The following LRRC75A variants were observed in gnomAD, a reference collection of about 807,000 sequenced individuals.
LRRC75A encodes leucine-rich repeat-containing protein 75A.
LRRC75A carries 12 observed loss-of-function variants against 26.0 expected under a neutral mutation model. The observed-to-expected ratio is 0.46, with a 90% confidence interval of 0.30 to 0.75. The LOEUF is 0.75. Ranked by LOEUF, LRRC75A falls within the 30% of genes least tolerant of loss-of-function variation. The probability of loss-of-function intolerance (pLI) is 0.08; values close to 1 mark genes in which losing one functional copy is unlikely to be tolerated. For synonymous variants in LRRC75A, 223 were observed against 219.3 expected (o/e 1.02, Z -0.15); for missense variants, 410 against 486.6 (o/e 0.84, Z 1.48).
intron 1 of LRRC75A, among the ~76,000 whole-genome samples, chr17:16,489,060 T>C (rs1373279475): frequency 6.6e-6 from 1 of 152,132 alleles, no homozygotes; most frequent in Non-Finnish European, 1.5e-5. Context: ...CCCTCCGAAA[T>C]TGCCTGTGAG....
rs757872160 is a variant in LRRC75A, at chr17:16,443,690, G to T, written c.933C>A (p.Val311=). 11 of 1,607,644 alleles carry T rather than the reference G, an allele frequency of 6.8e-6. No individual in the cohort carries two copies. The highest frequency in any genetic ancestry group is 3.4e-6 in the Non-Finnish European group (4 of 1,177,056). The change falls in exon 4 of 4, where the codon GTC becomes GTA. Residue 311 remains valine, a synonymous_variant. Coordinates refer to ENST00000470794, the MANE Select transcript of LRRC75A (RefSeq NM_001113567.3). ...LGEGPGSGEE[V]REGTVGQEDP... is the part of the protein sequence containing the mutation. ...CCTCCTGGCCTACTGTCCCTTCCCG[G>T]ACCTCCTCCCCACTGCCTGGGCCCT...
intron 1 of LRRC75A, among the ~76,000 whole-genome samples, chr17:16,479,508 G>A (rs2093828690): frequency 6.6e-6 from 1 of 152,210 alleles, no homozygotes; most frequent in Non-Finnish European, 1.5e-5. Flanking sequence ...CCTTGACTCT[G>A]GCTGTGCCCA....
chr17:16,472,614 G>C (rs2093810106), intron 1 of LRRC75A, among the ~76,000 whole-genome samples: 1 of 152,140 alleles, frequency 6.6e-6, no homozygotes, highest in African/African-American at 2.4e-5. Flanking sequence ...AATGCGCTGG[G>C]GCATACGGAA....
At chr17:16,469,359 CT>C (rs2093793173) in intron 1 of LRRC75A, among the ~76,000 whole-genome samples, 1 of 152,132 alleles carries the variant, frequency 6.6e-6, no homozygotes, top group Non-Finnish European at 1.5e-5. Flanking sequence ...GCCTTTTGTT[CT>C]TTTCCCACAA....
At chr17:16,483,752 G>A (rs1254196122) in intron 1 of LRRC75A, among the ~76,000 whole-genome samples, 1 of 152,158 alleles carries the variant, frequency 6.6e-6, no homozygotes, top group African/African-American at 2.4e-5. Context: ...TCTGTGCCAC[G>A]CTGCGCACCT....
intron 2 of LRRC75A, among the ~76,000 whole-genome samples, chr17:16,450,987 G>A (rs12601710): frequency 0.39 from 58,687 of 151,892 alleles, 11,728 homozygotes; most frequent in African/African-American, 0.44. Context: ...GCTCATGTGG[G>A]GCCATGGTAA....
chr17:16,442,173 A>G lies in LRRC75A; in HGVS notation c.*1415T>C, dbSNP rs1433661792. The G allele has an allele frequency of 6.6e-6, 1 of 152,320 alleles. No individual in the cohort carries two copies. Among genetic ancestry groups the G allele is most frequent in the Non-Finnish European group, 1.5e-5 (1 of 68,112 alleles). The allele number at this position is 152,320 out of a possible 1,614,324, so 9.4% of individuals were successfully genotyped here. A position where few individuals can be genotyped will look rare whatever the true frequency, so the allele number is the denominator to read the frequency against. ...AGCTTTAGACTGAAGGCAAAAGCTC[A>G]AAGCATTTAAGGCCTCCTCAATTTC... On this transcript the variant is annotated 3_prime_UTR_variant, in exon 4 of 4. Coordinates refer to ENST00000470794, the MANE Select transcript of LRRC75A (RefSeq NM_001113567.3).
intron 2 of LRRC75A, among the ~76,000 whole-genome samples, chr17:16,449,763 C>T (rs2093615928): frequency 6.6e-6 from 1 of 152,256 alleles, no homozygotes; most frequent in Non-Finnish European, 1.5e-5. Context: ...ATTACAGGCA[C>T]CCGCCATCAC....
intron 2 of LRRC75A, among the ~76,000 whole-genome samples, chr17:16,455,503 C>T (rs538359168): frequency 4.9e-4 from 74 of 152,192 alleles, no homozygotes; most frequent in African/African-American, 1.6e-3. Context: ...TTCAGCCTCC[C>T]GAGTAGCTGG....
chr17:16,474,881 TAC>T (rs2093815977), intron 1 of LRRC75A, among the ~76,000 whole-genome samples: 1 of 151,010 alleles, frequency 6.6e-6, no homozygotes, highest in Non-Finnish European at 1.5e-5. Context: ...TAGTCCCAGC[TAC>T]TCGGGAGGCT....
chr17:16,454,932 C>CTTTTCT (rs1424177243), intron 2 of LRRC75A, among the ~76,000 whole-genome samples: 32 of 108,006 alleles, frequency 3.0e-4, no homozygotes, highest in African/African-American at 1.2e-3. Context: ...CTTTTCTTTT[C>CTTTTCT]TTTTTTTTTT....
intron 1 of LRRC75A, among the ~76,000 whole-genome samples, chr17:16,479,258 C>T (rs988241381): frequency 2.0e-5 from 3 of 152,232 alleles, no homozygotes; most frequent in Admixed American, 6.5e-5. Context: ...ATTGCTTCAG[C>T]TCCTCGATTC....
intron 1 of LRRC75A, among the ~76,000 whole-genome samples, chr17:16,474,576 A>C (rs1320057131): frequency 2.0e-5 from 3 of 151,922 alleles, no homozygotes; most frequent in Non-Finnish European, 4.4e-5. Context: ...CACCCATCCC[A>C]GCGCCCTCCT....
Position 16,443,821 on chromosome 17 carries a change from G to A in LRRC75A, c.802C>T (p.Leu268=). ...GAGAAGATGTCCACGTTGTTGCCCA[G>A]GTCAATCCACGTGACATTGGGGAAC... ...SKFPNVTWID[L]GNNVDIFSLP... The change falls in exon 4 of 4, where the codon CTG becomes TTG. Residue 268 remains leucine (L), a synonymous_variant. Coordinates refer to ENST00000470794, the MANE Select transcript of LRRC75A (RefSeq NM_001113567.3). 1 of 1,614,058 alleles carries A rather than the reference G, an allele frequency of 6.2e-7. No homozygotes were observed.
intron 2 of LRRC75A, among the ~76,000 whole-genome samples, chr17:16,458,782 T>G (rs1275604996): frequency 4.6e-5 from 7 of 151,584 alleles, no homozygotes; most frequent in Admixed American, 2.6e-4. Flanking sequence ...ACCTGCCAAC[T>G]TCTGTTAAGC....
intron 1 of LRRC75A, among the ~76,000 whole-genome samples, chr17:16,485,631 A>AGG (rs2093844528): frequency 7.8e-6 from 1 of 128,402 alleles, no homozygotes; most frequent in Non-Finnish European, 1.7e-5. Context: ...CAGGACAAGC[A>AGG]GTGTGTGTGT....
At chr17:16,445,019 T>C (rs1299124106) in intron 3 of LRRC75A, among the ~76,000 whole-genome samples, 1 of 151,130 alleles carries the variant, frequency 6.6e-6, no homozygotes. Context: ...TGGCTAATTT[T>C]TGTATTTTTA....
chr17:16,446,884 T>TGA (rs1407343748), intron 3 of LRRC75A: 3 of 383,292 alleles, frequency 7.8e-6, no homozygotes, highest in African/African-American at 2.3e-5. Context: ...CCTTACACTG[T>TGA]TCATCCACCT....
intron 2 of LRRC75A, among the ~76,000 whole-genome samples, chr17:16,452,056 A>G (rs2143015006): frequency 6.6e-6 from 1 of 152,004 alleles, no homozygotes; most frequent in East Asian, 1.9e-4. Flanking sequence ...GGGGAGCTTT[A>G]AAGTCCACTG....
Sources: allele counts gnomAD v4.1 joint callset (sites outside exome capture counted in the v4.1 genomes callset), GRCh38; gene constraint gnomAD v4.1.1; transcripts MANE v1.5; gene names NCBI Gene and HGNC (gene_info 2026-07-23, HGNC 2026-07-21).